NLGN1: variants seen among roughly 807,000 people sequenced by gnomAD.
The protein encoded by NLGN1 is neuroligin-1.
A neutral mutation model predicts 65.5 loss-of-function variants in NLGN1; 12 were observed. That is an observed-to-expected ratio of 0.18 (90% CI 0.12 to 0.30). The LOEUF (loss-of-function observed/expected upper bound fraction) is 0.30, where lower values mean the gene tolerates loss of function less well. NLGN1 is among the 10% of genes least tolerant of loss of function. The pLI is 1.00. For synonymous variants in NLGN1, 350 were observed against 359.5 expected, an observed-to-expected ratio of 0.97 and a Z score of 0.30; for missense variants, 750 against 1,007.1, an observed-to-expected ratio of 0.74 and a Z score of 3.46.
At chr3:174,267,633 T>C (rs1748537389) in intron 4 of NLGN1, among the ~76,000 whole-genome samples, 1 of 152,238 alleles carries the variant, frequency 6.6e-6, no homozygotes, top group East Asian at 1.9e-4. Flanking sequence ...TTTTCCTCTC[T>C]TCAAAACTAA....
At chr3:173,820,860 T>C (rs997342937) in intron 4 of NLGN1, among the ~76,000 whole-genome samples, 1 of 152,194 alleles carries the variant, frequency 6.6e-6, no homozygotes, top group Non-Finnish European at 1.5e-5. Context: ...CCTGTAACTT[T>C]TTGAGGCTCA....
At chr3:173,559,319 C>T (rs1263233105) in intron 2 of NLGN1, among the ~76,000 whole-genome samples, 1 of 152,198 alleles carries the variant, frequency 6.6e-6, no homozygotes, top group Admixed American at 6.5e-5. Context: ...TCTACCTACT[C>T]TGCGCTGTCT....
chr3:173,608,368 A>G (rs1189531616), intron 3 of NLGN1, among the ~76,000 whole-genome samples: 1 of 151,908 alleles, frequency 6.6e-6, no homozygotes, highest in Non-Finnish European at 1.5e-5. Context: ...GAATTCTTAA[A>G]ATGAGATGAT....
chr3:174,217,357 G>A (rs1737813892), intron 4 of NLGN1, among the ~76,000 whole-genome samples: 1 of 152,066 alleles, frequency 6.6e-6, no homozygotes, highest in Admixed American at 6.5e-5. Context: ...ACAGTAATGG[G>A]CTGTCCTAGT....
chr3:173,780,015 C>T (rs2150313769), intron 3 of NLGN1, among the ~76,000 whole-genome samples: 1 of 152,160 alleles, frequency 6.6e-6, no homozygotes, highest in African/African-American at 2.4e-5. Flanking sequence ...GTCTGTGAGT[C>T]AGAGAATTAA....
chr3:173,518,526 G>A (rs531942508), intron 2 of NLGN1, among the ~76,000 whole-genome samples: 78 of 150,142 alleles, frequency 5.2e-4, no homozygotes, highest in African/African-American at 1.8e-3. Flanking sequence ...ATATGAGTAT[G>A]TGTATGTGTG....
At chr3:173,588,888 T>G (rs2149389842) in intron 2 of NLGN1, among the ~76,000 whole-genome samples, 1 of 152,156 alleles carries the variant, frequency 6.6e-6, no homozygotes, top group Admixed American at 6.5e-5. Flanking sequence ...TATATGAATG[T>G]GTAGTCAAAA....
chr3:173,538,873 GTT>G (rs34863294), intron 2 of NLGN1, among the ~76,000 whole-genome samples: 2 of 146,158 alleles, frequency 1.4e-5, no homozygotes, highest in Admixed American at 6.8e-5. Flanking sequence ...TATCTTCATG[GTT>G]TTTTTTTTTT....
intron 2 of NLGN1, among the ~76,000 whole-genome samples, chr3:173,523,659 C>T (rs1425965083): frequency 1.3e-5 from 2 of 151,564 alleles, no homozygotes; most frequent in Non-Finnish European, 3.0e-5. Flanking sequence ...TTACTATAGC[C>T]TTATACTATA....
At chr3:174,191,598 A>G (rs1732401092) in intron 4 of NLGN1, among the ~76,000 whole-genome samples, 2 of 152,174 alleles carry the variant, frequency 1.3e-5, no homozygotes, top group Non-Finnish European at 2.9e-5. Context: ...ATGCTGTTTG[A>G]TGGTGTGCCT....
intron 4 of NLGN1, among the ~76,000 whole-genome samples, chr3:173,971,149 A>G (rs1340389417): frequency 6.6e-6 from 1 of 152,192 alleles, no homozygotes; most frequent in Non-Finnish European, 1.5e-5. Context: ...AAAATAAAAT[A>G]AAATCCCTGA....
exon 4 of NLGN1, chr3:173,807,698 G>T (rs984506723): frequency 3.7e-6 from 6 of 1,613,492 alleles, no homozygotes; most frequent in Non-Finnish European, 3.4e-6. Context: ...GACAGTGGGG[G>T]TCCCAAACCA....
rs567188178 is a variant in NLGN1, at chr3:174,253,928, A to G, written c.647-21387A>G. Among the ~76,000 whole-genome samples, 15 of 152,322 alleles carry G rather than the reference A, an allele frequency of 9.8e-5. No individual in the cohort carries two copies. In the South Asian group the frequency reaches 2.9e-3, roughly 29 times the overall value. On this transcript the variant is annotated intron_variant, in intron 4 of 6. Transcript: ENST00000457714. ...CCTTCACTGGCTAACACAGCAATAG[A>G]TTGGGGGCTTCAGACAGTACCTCCA...
chr3:174,056,916 A>T (rs533695809), intron 4 of NLGN1, among the ~76,000 whole-genome samples: 12 of 151,538 alleles, frequency 7.9e-5, no homozygotes, highest in African/African-American at 1.2e-4. Flanking sequence ...CCATATATAT[A>T]TATTTTTTTT....
At chr3:173,737,349 A>G (rs1773936389) in intron 3 of NLGN1, among the ~76,000 whole-genome samples, 1 of 151,992 alleles carries the variant, frequency 6.6e-6, no homozygotes, top group Non-Finnish European at 1.5e-5. Context: ...CATCACCACA[A>G]TACATTTTGA....
At chr3:173,947,910 T>C (rs1310621152) in intron 4 of NLGN1, among the ~76,000 whole-genome samples, 1 of 152,202 alleles carries the variant, frequency 6.6e-6, no homozygotes, top group Admixed American at 6.5e-5. Flanking sequence ...AAAAAATAAA[T>C]GATTTCTTCA....
chr3:173,889,254 G>T (rs1734898620), intron 4 of NLGN1, among the ~76,000 whole-genome samples: 1 of 152,102 alleles, frequency 6.6e-6, no homozygotes, highest in South Asian at 2.1e-4. Context: ...CTGCATATAA[G>T]CAAAAGGAGT....
chr3:174,232,378 G>A (rs1055069720), intron 4 of NLGN1, among the ~76,000 whole-genome samples: 1 of 152,160 alleles, frequency 6.6e-6, no homozygotes, highest in African/African-American at 2.4e-5. Flanking sequence ...CTGGCCATCT[G>A]GATGTGTACG....
chr3:173,993,242 A>G (rs1721508422), intron 4 of NLGN1, among the ~76,000 whole-genome samples: 1 of 152,214 alleles, frequency 6.6e-6, no homozygotes, highest in African/African-American at 2.4e-5. Context: ...GGAAGCATGT[A>G]AACCATCTTA....
Sources: gnomAD v4.1 joint callset for allele counts (sites outside exome capture counted in the v4.1 genomes callset) on GRCh38, gnomAD v4.1.1 for gene constraint, MANE v1.5 for transcripts, NCBI Gene and HGNC (gene_info 2026-07-23, HGNC 2026-07-21) for gene names.